GRIK2: variants seen among roughly 807,000 people sequenced by gnomAD.
The protein encoded by GRIK2 is glutamate receptor ionotropic, kainate 2.
GRIK2 carries 32 observed loss-of-function variants against 100.3 expected under a neutral mutation model. The ratio of observed to expected loss-of-function variants is 0.32; its 90% CI spans 0.24 to 0.43. GRIK2 has a LOEUF of 0.43. GRIK2 is among the 20% of genes least tolerant of loss of function. The pLI, the probability that GRIK2 is intolerant of heterozygous loss-of-function variation, is 1.00. For synonymous variants in GRIK2, 417 were observed against 389.4 expected, an observed-to-expected ratio of 1.07 and a Z score of -0.83; for missense variants, 843 against 1,114.9, an observed-to-expected ratio of 0.76 and a Z score of 3.47.
rs146937300 is a variant in GRIK2 at position 101,661,371 on chromosome 6, C to T, written c.542-15252C>T. The stretch of plus-strand genomic sequence containing the variant: ...GGTTGACTTCAGATGGCTGTGCTAG[C>T]AGCAAGAATTTCAAGCCAGTGGATC... On this transcript the variant is annotated intron_variant, in intron 4 of 16. Transcript: ENST00000369134. Among the ~76,000 whole-genome samples the T allele has an allele frequency of 2.7e-3, 413 of 152,154 alleles. 2 individuals are homozygous for T. The highest frequency in any genetic ancestry group is 9.5e-3 in the African/African-American group (393 of 41,520).
chr6:101,839,282 T>C (rs1309320590), intron 10 of GRIK2, among the ~76,000 whole-genome samples: 1 of 152,170 alleles, frequency 6.6e-6, no homozygotes, highest in African/African-American at 2.4e-5. Context: ...TTGAGCTGTA[T>C]TTGGTTTAGG....
At chr6:102,064,351 TTTCC>T (rs754537614) in intron 16 of GRIK2, among the ~76,000 whole-genome samples, 11 of 145,448 alleles carry the variant, frequency 7.6e-5, no homozygotes, top group East Asian at 2.0e-4. Context: ...TCCTTTCCTC[TTTCC>T]TTCCTTCCTT....
chr6:101,898,517 C>A (rs1007183222), intron 12 of GRIK2, among the ~76,000 whole-genome samples: 3 of 151,682 alleles, frequency 2.0e-5, no homozygotes, highest in Non-Finnish European at 3.0e-5. Flanking sequence ...AGAAGTATGT[C>A]TTTTTCTTTA....
chr6:101,497,352 A>G (rs1216701962), intron 2 of GRIK2, among the ~76,000 whole-genome samples: 1 of 152,202 alleles, frequency 6.6e-6, no homozygotes, highest in Non-Finnish European at 1.5e-5. Flanking sequence ...AATACGTGCC[A>G]TAGTACTGGG....
At chr6:101,491,476 T>C (rs1773107017) in intron 2 of GRIK2, among the ~76,000 whole-genome samples, 1 of 152,040 alleles carries the variant, frequency 6.6e-6, no homozygotes, top group African/African-American at 2.4e-5. Flanking sequence ...TCAATGTTTC[T>C]AATATGTTTT....
intron 10 of GRIK2, among the ~76,000 whole-genome samples, chr6:101,845,598 T>C (rs1402623234): frequency 1.3e-5 from 2 of 152,232 alleles, no homozygotes; most frequent in East Asian, 1.9e-4. Flanking sequence ...AATTTGGCTA[T>C]TGTGAAAAGT....
intron 12 of GRIK2, 181 bp downstream of exon 12, chr6:101,890,044 G>A (rs1433594828): frequency 3.4e-6 from 2 of 586,258 alleles, no homozygotes; most frequent in East Asian, 2.8e-5. Context: ...GTCTTTGTGG[G>A]CAGAGAGCAT....
At chr6:101,643,993 G>C (rs1262141513) in intron 4 of GRIK2, among the ~76,000 whole-genome samples, 1 of 151,498 alleles carries the variant, frequency 6.6e-6, no homozygotes, top group African/African-American at 2.4e-5. Flanking sequence ...TCTTTAATTT[G>C]AGCTCACTTC....
At position 101,653,996 on chromosome 6, in the gene GRIK2, A is replaced by T. The variant is rs78569596; in HGVS notation, c.542-22627A>T. Among the ~76,000 whole-genome samples, 385 of 152,306 alleles carry T rather than the reference A, an allele frequency of 2.5e-3. 2 individuals carry two copies. The highest frequency in any genetic ancestry group is 9.0e-3 in the African/African-American group (374 of 41,570). On this transcript the variant is annotated intron_variant, in intron 4 of 16. Coordinates refer to ENST00000369134, the MANE Select transcript of GRIK2 (RefSeq NM_021956.5). ...ATGGTAATACTTTTCATAATGTACC[A>T]CAACTGATGGTTTATTTTCTGTCTC...
intron 10 of GRIK2, among the ~76,000 whole-genome samples, chr6:101,828,122 A>G (rs1562420303): frequency 6.6e-6 from 1 of 152,066 alleles, no homozygotes; most frequent in Admixed American, 6.6e-5. Context: ...CAACACCAAG[A>G]GGAACTCTCA....
At chr6:101,826,105 T>C (rs1782309451) in intron 10 of GRIK2, among the ~76,000 whole-genome samples, 1 of 148,090 alleles carries the variant, frequency 6.8e-6, no homozygotes, top group Non-Finnish European at 1.5e-5. Context: ...GATTCCTCAG[T>C]CCCTTTAAAA....
chr6:101,930,475 A>G (rs1790199083), intron 14 of GRIK2, among the ~76,000 whole-genome samples: 1 of 152,138 alleles, frequency 6.6e-6, no homozygotes, highest in Non-Finnish European at 1.5e-5. Context: ...GTGACTTTTG[A>G]ATTGAATTTG....
At chr6:101,806,006 A>G (rs1780981940) in intron 9 of GRIK2, among the ~76,000 whole-genome samples, 1 of 152,014 alleles carries the variant, frequency 6.6e-6, no homozygotes, top group East Asian at 1.9e-4. Context: ...CTACTCTATT[A>G]TAACAGAAGC....
chr6:101,785,654 C>A (rs1779375914), intron 7 of GRIK2, among the ~76,000 whole-genome samples: 1 of 151,834 alleles, frequency 6.6e-6, no homozygotes, highest in African/African-American at 2.4e-5. Context: ...TCTGGATTGC[C>A]CATTTTGTTT....
At chr6:101,481,029 C>T (rs1772500557) in intron 2 of GRIK2, among the ~76,000 whole-genome samples, 1 of 152,054 alleles carries the variant, frequency 6.6e-6, no homozygotes, top group African/African-American at 2.4e-5. Context: ...TATCGCTAAA[C>T]CTGAGGATAC....
chr6:101,877,142 C>T (rs553201151), intron 11 of GRIK2, among the ~76,000 whole-genome samples: 46 of 151,968 alleles, frequency 3.0e-4, no homozygotes, highest in African/African-American at 1.0e-3. Context: ...GACGAACACA[C>T]ACACACATAT....
chr6:101,414,962 G>A (rs897724504), intron 2 of GRIK2, among the ~76,000 whole-genome samples: 1 of 144,532 alleles, frequency 6.9e-6, no homozygotes, highest in African/African-American at 2.8e-5. Context: ...GTGTGTGTGT[G>A]TATGTGTGTG....
At chr6:102,044,046 T>A (rs1156679079) in intron 15 of GRIK2, among the ~76,000 whole-genome samples, 1 of 151,974 alleles carries the variant, frequency 6.6e-6, no homozygotes, top group Non-Finnish European at 1.5e-5. Context: ...ATCAGCAGCA[T>A]GAAAATGGGC....
intron 1 of GRIK2, among the ~76,000 whole-genome samples, chr6:101,395,726 A>T (rs546986478): frequency 6.6e-6 from 1 of 152,206 alleles, no homozygotes; most frequent in Admixed American, 6.5e-5. Flanking sequence ...CATGATATGC[A>T]TTTTCTTCTT....
Sources: gnomAD v4.1 joint callset for allele counts (sites outside exome capture counted in the v4.1 genomes callset) on GRCh38, gnomAD v4.1.1 for gene constraint, MANE v1.5 for transcripts, NCBI Gene and HGNC (gene_info 2026-07-23, HGNC 2026-07-21) for gene names.